Variants in PTPDC1 observed in about 807,000 individuals in gnomAD.
PTPDC1 encodes the protein protein tyrosine phosphatase domain-containing protein 1.
Under a neutral mutation model 75.3 loss-of-function variants are expected in PTPDC1, and 53 were observed. That is an observed-to-expected ratio of 0.70 (90% CI 0.56 to 0.88). The LOEUF is 0.88. Among genes scored for constraint, PTPDC1 ranks in the 40% least tolerant of loss-of-function variants. PTPDC1 has a pLI of 0.00. For missense variants in PTPDC1, 925 were observed against 998.6 expected, an observed-to-expected ratio of 0.93 and a Z score of 0.99; for synonymous variants, 349 against 366.2, an observed-to-expected ratio of 0.95 and a Z score of 0.54.
Position 94,084,622 on chromosome 9 carries a change from T to TACTGC in PTPDC1, c.93_97dup (p.Arg33HisfsTer29). Reference sequence around the variant, plus strand: ...CGCCGGCACTCCACCTCAGACCCAGTACTGCGGCTGCAGCAGGCCCGGCGG... The same window carrying TACTGC: ...CGCCGGCACTCCACCTCAGACCCAGTACTGCACTGCGGCTGCAGCAGGCCCGGCGG... On this transcript the variant is annotated frameshift_variant, in exon 1 of 9. Transcript: ENST00000620992. LOFTEE classifies it high-confidence loss of function. 6.2e-7 allele frequency: 1 copy of TACTGC among 1,613,584 alleles called. No individual in the cohort carries two copies. The highest frequency in any genetic ancestry group is 8.5e-7 in the Non-Finnish European group (1 of 1,179,856).
intron 7 of PTPDC1, among the ~76,000 whole-genome samples, chr9:94,103,328 T>C (rs1391140751): frequency 6.6e-6 from 1 of 152,230 alleles, no homozygotes; most frequent in African/African-American, 2.4e-5. Flanking sequence ...CTCTTCTGTT[T>C]ATCTCAATAC....
intron 8 of PTPDC1, among the ~76,000 whole-genome samples, chr9:94,105,978 A>C (rs563721053): frequency 2.0e-5 from 3 of 152,146 alleles, no homozygotes; most frequent in Non-Finnish European, 2.9e-5. Context: ...ATCTCAAAAA[A>C]AAAAAAGTAA....
intron 1 of PTPDC1, among the ~76,000 whole-genome samples, chr9:94,033,191 C>A (rs781449625): frequency 6.6e-6 from 1 of 152,136 alleles, no homozygotes; most frequent in African/African-American, 2.4e-5. Flanking sequence ...CAACAACTGC[C>A]TCAAAGTCCA....
chr9:94,083,914 T>A (rs1236520138), upstream of PTPDC1, among the ~76,000 whole-genome samples: 1 of 152,054 alleles, frequency 6.6e-6, no homozygotes, highest in Non-Finnish European at 1.5e-5. Flanking sequence ...TCTAAAAATG[T>A]CTTTATTTGT....
intron 4 of PTPDC1, 106 bp from the exon 5 acceptor site, chr9:94,095,211 A>T (rs1223597701): frequency 1.2e-6 from 1 of 814,878 alleles, no homozygotes; most frequent in Non-Finnish European, 2.0e-6. Context: ...ATGCACTGAG[A>T]TCTACATGCC....
chr9:94,072,615 T>C lies in PTPDC1; in HGVS notation c.82+7794T>C, dbSNP rs773089004. On this transcript the variant is annotated intron_variant, in intron 2 of 9. Coordinates refer to the PTPDC1 transcript ENST00000375360. Reference sequence around the variant, plus strand: ...AGAGTCTTTGCCTTCTTCCTGACCATAGGGAGAAGGCATTCAGTCTTTCAC... The same window carrying C: ...AGAGTCTTTGCCTTCTTCCTGACCACAGGGAGAAGGCATTCAGTCTTTCAC... 1.1e-3 allele frequency among the ~76,000 whole-genome samples: 168 copies of C among 152,200 alleles called. 1 individual carries two copies. The highest frequency in any genetic ancestry group is 9.9e-4 in the Non-Finnish European group (67 of 68,004).
chr9:94,049,940 T>C (rs1311459688), intron 1 of PTPDC1, among the ~76,000 whole-genome samples: 1 of 152,228 alleles, frequency 6.6e-6, no homozygotes, highest in East Asian at 1.9e-4. Flanking sequence ...TCCAAGCTTC[T>C]CTTCTCACTT....
chr9:94,068,634 C>T (rs1263183578), intron 2 of PTPDC1, among the ~76,000 whole-genome samples: 1 of 152,196 alleles, frequency 6.6e-6, no homozygotes, highest in African/African-American at 2.4e-5. Context: ...TGATTTCAGA[C>T]TACGTAAATA....
rs1289612136 is a variant in PTPDC1 at position 94,096,151 on chromosome 9, G to T, written c.754+697G>T. ...ATTGGGGCAAAAATGAAGGCCGTAG[G>T]GCTGAAATTTTCATTGTCATCTGAT... On this transcript the variant is annotated intron_variant, in intron 5 of 8. Coordinates refer to ENST00000620992, the MANE Select transcript of PTPDC1 (RefSeq NM_001253829.2). Among the ~76,000 whole-genome samples the T allele has an allele frequency of 3.3e-5, 5 of 152,286 alleles. No homozygotes were observed. The East Asian group carries it at 9.6e-4, about 29-fold the overall frequency.
At chr9:94,049,240 T>C (rs1471367451) in intron 1 of PTPDC1, among the ~76,000 whole-genome samples, 2 of 152,348 alleles carry the variant, frequency 1.3e-5, no homozygotes, top group Admixed American at 6.5e-5. Context: ...AATTTGATCC[T>C]GTCAAATTCA....
intron 1 of PTPDC1, among the ~76,000 whole-genome samples, chr9:94,032,265 A>G (rs771079363): frequency 5.9e-5 from 9 of 152,018 alleles, no homozygotes; most frequent in Non-Finnish European, 8.8e-5. Flanking sequence ...CTCAGCTCCC[A>G]CTCCAGAAAT....
chr9:94,069,909 C>T (rs1252320201), intron 2 of PTPDC1, among the ~76,000 whole-genome samples: 1 of 150,474 alleles, frequency 6.6e-6, no homozygotes, highest in South Asian at 2.1e-4. Flanking sequence ...ATTGCAACCT[C>T]CGCCTCCCGG....
Position 94,067,389 on chromosome 9 carries a change from C to CA in PTPDC1, c.82+2580dup, listed in dbSNP as rs1157733841. Among the ~76,000 whole-genome samples the CA allele has an allele frequency of 3.8e-4, 55 of 143,288 alleles. No individual in the cohort carries two copies. In the East Asian group the frequency reaches 6.0e-3, roughly 16 times the overall value. 94.0% of individuals were successfully genotyped at this position (143,288 alleles called of 152,430 possible). On this transcript the variant is annotated intron_variant, in intron 2 of 9. Coordinates refer to the PTPDC1 transcript ENST00000375360. Reference sequence around the variant, plus strand: ...TGGGTGACAGAGTGAGACTCCATCTCAAAAAAAAAAAATAATAATAATAAT... The same window carrying CA: ...TGGGTGACAGAGTGAGACTCCATCTCAAAAAAAAAAAAATAATAATAATAAT...
At chr9:94,087,699 T>C (rs1175631023) in intron 2 of PTPDC1, 132 bp from the exon 3 acceptor site, 2 of 667,070 alleles carry the variant, frequency 3.0e-6, no homozygotes, top group East Asian at 2.5e-5. Context: ...ATAAAATTTA[T>C]ACACAAAAAA....
At chr9:94,037,799 C>T (rs1469937374) in intron 1 of PTPDC1, among the ~76,000 whole-genome samples, 1 of 152,050 alleles carries the variant, frequency 6.6e-6, no homozygotes, top group Non-Finnish European at 1.5e-5. Context: ...TTGGGGAAGT[C>T]GCTGAAGGAA....
intron 1 of PTPDC1, among the ~76,000 whole-genome samples, chr9:94,049,225 G>A (rs1171382463): frequency 6.6e-6 from 1 of 152,100 alleles, no homozygotes; most frequent in Non-Finnish European, 1.5e-5. Context: ...ATATTGTTAT[G>A]TGTGAATTTG....
At position 94,067,973 on chromosome 9, in the gene PTPDC1, T is replaced by G. The variant is rs1826372048; in HGVS notation, c.82+3152T>G. 3.3e-5 allele frequency among the ~76,000 whole-genome samples: 5 copies of G among 152,210 alleles called. No homozygotes were observed. The South Asian group carries it at 1.0e-3, about 32-fold the overall frequency. ...CAGTTTATTTGTTGGAGAAAACAGG[T>G]TTTTTTGCCTTGTGGAGTTTGCCAC... On this transcript the variant is annotated intron_variant, in intron 2 of 9. Transcript: ENST00000375360.
chr9:94,032,744 C>T (rs1397263988), intron 1 of PTPDC1, among the ~76,000 whole-genome samples: 2 of 152,100 alleles, frequency 1.3e-5, no homozygotes, highest in Non-Finnish European at 2.9e-5. Context: ...TGGTCTCATA[C>T]TCCTGGGCTT....
intron 6 of PTPDC1, among the ~76,000 whole-genome samples, chr9:94,099,247 A>C (rs989967595): frequency 2.6e-5 from 4 of 152,216 alleles, no homozygotes; most frequent in Non-Finnish European, 2.9e-5. Flanking sequence ...ACTAGGATAC[A>C]GTCATAAGTC....
Sources: allele counts gnomAD v4.1 joint callset (sites outside exome capture counted in the v4.1 genomes callset), GRCh38; gene constraint gnomAD v4.1.1; transcripts MANE v1.5; gene names NCBI Gene and HGNC (gene_info 2026-07-23, HGNC 2026-07-21).